Variants in ALPK2 observed in about 807,000 individuals in gnomAD.
ALPK2 encodes alpha kinase 2.
ALPK2 carries 127 observed loss-of-function variants against 163.1 expected under a neutral mutation model. That is an observed-to-expected ratio of 0.78 (90% CI 0.67 to 0.90). The LOEUF (loss-of-function observed/expected upper bound fraction) is 0.90, where lower values mean the gene tolerates loss of function less well. Among genes scored for constraint, ALPK2 ranks in the 40% least tolerant of loss-of-function variants. ALPK2 has a pLI of 0.00. For synonymous variants in ALPK2, 953 were observed against 959.1 expected (o/e 0.99, Z 0.12); for missense variants, 2,360 against 2,589.6 (o/e 0.91, Z 1.92).
At position 58,593,947 on chromosome 18, in the gene ALPK2, C is replaced by CA. The variant is rs11366867; in HGVS notation, c.227+13374dup. Among the ~76,000 whole-genome samples the CA allele has an allele frequency of 7.3e-3, 929 of 127,144 alleles. 3 individuals carry two copies. The highest frequency in any genetic ancestry group is 0.016 in the Middle Eastern group (4 of 246). The allele number at this position is 127,144 out of a possible 152,430, so 83.4% of individuals were successfully genotyped here. On this transcript the variant is annotated intron_variant, in intron 3 of 12. Coordinates refer to ENST00000361673, the MANE Select transcript of ALPK2 (RefSeq NM_052947.4). ...GCCAGGGCCCACCTCTTCCCCCAAC[C>CA]AAAAAAAAAAAAAAAAGCACAATTA...
chr18:58,562,031 C>T (rs1048907775), intron 4 of ALPK2, among the ~76,000 whole-genome samples: 2 of 152,164 alleles, frequency 1.3e-5, no homozygotes, highest in Admixed American at 6.5e-5. Flanking sequence ...CACCTTCACC[C>T]GCTTCAATTT....
At chr18:58,554,991 C>T (rs959688805) in intron 4 of ALPK2, among the ~76,000 whole-genome samples, 2 of 152,184 alleles carry the variant, frequency 1.3e-5, no homozygotes, top group African/African-American at 4.8e-5. Context: ...CTTTGCTCCT[C>T]CTTCGCCTTC....
At chr18:58,550,681 ACC>A (rs1568082719) in intron 4 of ALPK2, among the ~76,000 whole-genome samples, 8 of 65,692 alleles carry the variant, frequency 1.2e-4, no homozygotes, top group Admixed American at 1.7e-4. Flanking sequence ...CCCCATCCCC[ACC>A]TCCATCGTGT....
intron 9 of ALPK2, 61 bp from the exon 10 acceptor site, chr18:58,515,142 C>T: frequency 2.4e-6 from 3 of 1,275,058 alleles, no homozygotes; most frequent in Non-Finnish European, 3.4e-6. Context: ...CAGTATTGCC[C>T]AGTAAGACTA....
At chr18:58,578,733 G>GACACACACACGCGCGCACGCGCGC (rs777103869) in intron 4 of ALPK2, 81 bp downstream of exon 4, 22 of 533,156 alleles carry the variant, frequency 4.1e-5, no homozygotes, top group East Asian at 8.2e-5. Context: ...TAAAGGAAGA[G>GACACACACACGCGCGCACGCGCGC]ACACACACAC....
chr18:58,614,748 A>G (rs1208005863), intron 1 of ALPK2, among the ~76,000 whole-genome samples: 1 of 152,142 alleles, frequency 6.6e-6, no homozygotes, highest in African/African-American at 2.4e-5. Flanking sequence ...ATGAGATATA[A>G]TTACCATACC....
rs539134728 is a variant in ALPK2 at position 58,608,708 on chromosome 18, G to A, written c.110-1269C>T. Among the ~76,000 whole-genome samples, 9 of 152,258 alleles carry A rather than the reference G, an allele frequency of 5.9e-5. No individual in the cohort carries two copies. In the East Asian group the frequency reaches 1.2e-3, roughly 20 times the overall value. ...CACGCCTATAATCCCAGCACTTTGG[G>A]AGGCCGAGGCAGGGGGGTGAATCAC... is the stretch of plus-strand genomic sequence containing the variant. On this transcript the variant is annotated intron_variant, in intron 2 of 12. Transcript: ENST00000361673.
chr18:58,529,091 CT>C lies in ALPK2; in HGVS notation c.5500del (p.Ser1834ValfsTer34). ...AAGTAACCAGGGAAAAACATCGCAC[CT>C]TCTCTGCACTTGGGCTATGGACTTT... Reference protein sequence around the residue: ...DSKSIAQVQRSAGDNSTVSFA... With the variant: ...DSKSIAQVQRXAGDNSTVSFA... On this transcript the variant is annotated frameshift_variant and splice_region_variant, in exon 6 of 13. Coordinates refer to ENST00000361673, the MANE Select transcript of ALPK2 (RefSeq NM_052947.4). The C allele has an allele frequency of 6.2e-7, 1 of 1,614,088 alleles. No homozygotes were observed.
At chr18:58,490,089 AAAAG>A (rs1229441829) in intron 12 of ALPK2, among the ~76,000 whole-genome samples, 1 of 152,182 alleles carries the variant, frequency 6.6e-6, no homozygotes, top group East Asian at 1.9e-4. Flanking sequence ...AAGAAAGAAA[AAAAG>A]AAACTTCCTA....
At chr18:58,563,590 C>T (rs148210263) in intron 4 of ALPK2, among the ~76,000 whole-genome samples, 249 of 152,354 alleles carry the variant, frequency 1.6e-3, no homozygotes, top group African/African-American at 6.0e-3. Flanking sequence ...AAAGAGATTA[C>T]TCTTTCTCTC....
chr18:58,548,447 A>G (rs1238444692), intron 4 of ALPK2, among the ~76,000 whole-genome samples: 1 of 151,886 alleles, frequency 6.6e-6, no homozygotes, highest in Non-Finnish European at 1.5e-5. Flanking sequence ...CAGCCTCCCA[A>G]GTAGCTGGAC....
chr18:58,516,063 A>AT (rs1379377419), intron 9 of ALPK2, among the ~76,000 whole-genome samples: 2,108 of 151,738 alleles, frequency 0.014, 51 homozygotes, highest in African/African-American at 0.049. Flanking sequence ...GAAAAAAAAA[A>AT]TAAAAATTAG....
intron 4 of ALPK2, chr18:58,578,430 G>A (rs549563677): frequency 6.0e-6 from 1 of 165,360 alleles, no homozygotes; most frequent in Non-Finnish European, 1.3e-5. Context: ...TCCTTTAAAG[G>A]CTACACCCAA....
rs748207036 is a variant in ALPK2 at position 58,579,572 on chromosome 18, C to T, written c.1204G>A (p.Gly402Ser). 4.3e-6 allele frequency: 7 copies of T among 1,613,382 alleles called. No individual in the cohort carries two copies. The highest frequency in any genetic ancestry group is 1.3e-5 in the African/African-American group (1 of 74,868). The change falls in exon 4 of 13, where the codon GGT becomes AGT. Residue 402 changes from glycine (G) to serine (S), a missense_variant. By Grantham distance (56) the Gly-to-Ser change is moderately conservative (BLOSUM62 0). Coordinates refer to ENST00000361673, the MANE Select transcript of ALPK2 (RefSeq NM_052947.4). The stretch of plus-strand genomic sequence containing the variant: ...ACTTCTTGGGGTTGTGAGTGATGAC[C>T]ACAGAAGCCAGCAGTGGCAACCATA... ...GPMVATAGFC[G>S]HHSQPQEVGV...
chr18:58,619,087 C>T (rs2052185174), intron 1 of ALPK2, among the ~76,000 whole-genome samples: 1 of 152,228 alleles, frequency 6.6e-6, no homozygotes, highest in Non-Finnish European at 1.5e-5. Context: ...ACCTAATACC[C>T]AGTCCCGTGT....
intron 4 of ALPK2, among the ~76,000 whole-genome samples, chr18:58,561,951 G>A (rs57135432): frequency 0.015 from 2,289 of 152,228 alleles, 58 homozygotes; most frequent in African/African-American, 0.053. Flanking sequence ...CTGGATGCTG[G>A]GGCCAATCCA....
At chr18:58,507,905 C>T (rs1292781925) in intron 10 of ALPK2, among the ~76,000 whole-genome samples, 1 of 152,200 alleles carries the variant, frequency 6.6e-6, no homozygotes, top group Non-Finnish European at 1.5e-5. Context: ...AACAACTTGG[C>T]CACAGGATTA....
At chr18:58,624,012 C>T (rs1034257605) in intron 1 of ALPK2, among the ~76,000 whole-genome samples, 1 of 152,200 alleles carries the variant, frequency 6.6e-6, no homozygotes, top group Non-Finnish European at 1.5e-5. Flanking sequence ...AGTGGCCATT[C>T]GCTTGTCCTC....
At chr18:58,516,628 T>C (rs1021485311) in intron 9 of ALPK2, among the ~76,000 whole-genome samples, 2 of 152,158 alleles carry the variant, frequency 1.3e-5, no homozygotes, top group African/African-American at 4.8e-5. Flanking sequence ...CCGCCAGGGA[T>C]GTCATAGGGC....
Sources: gnomAD v4.1 joint callset for allele counts (sites outside exome capture counted in the v4.1 genomes callset) on GRCh38, gnomAD v4.1.1 for gene constraint, MANE v1.5 for transcripts, NCBI Gene and HGNC (gene_info 2026-07-23, HGNC 2026-07-21) for gene names.